Variants in TPTE2 observed in about 807,000 individuals in gnomAD.
TPTE2 encodes transmembrane phosphoinositide 3-phosphatase and tensin homolog 2, also known as phosphatidylinositol 3,4,5-trisphosphate 3-phosphatase TPTE2.
Under a neutral mutation model 78.6 loss-of-function variants are expected in TPTE2, and 53 were observed. The observed-to-expected ratio is 0.67, with a 90% CI of 0.54 to 0.85. TPTE2 has a LOEUF of 0.85. Among genes scored for constraint, TPTE2 ranks in the 40% least tolerant of loss-of-function variants. TPTE2 has a pLI of 0.00. For missense variants in TPTE2, 461 were observed against 623.0 expected (o/e 0.74, Z 2.77); for synonymous variants, 175 against 206.2 (o/e 0.85, Z 1.30).
intron 7 of TPTE2, among the ~76,000 whole-genome samples, chr13:19,466,019 C>T (rs141022798): frequency 0.024 from 3,724 of 152,214 alleles, 117 homozygotes; most frequent in African/African-American, 0.071. Flanking sequence ...TTTGTTATTC[C>T]CATGAGTAAC....
chr13:19,528,073 T>C (rs555622074), intron 1 of TPTE2, among the ~76,000 whole-genome samples: 27 of 152,174 alleles, frequency 1.8e-4, no homozygotes, highest in Admixed American at 5.2e-4. Context: ...AATCCTCAAC[T>C]CTGGCACTAT....
chr13:19,503,397 A>G, upstream of TPTE2: 1 of 1,046,542 alleles, frequency 9.6e-7, no homozygotes, highest in Non-Finnish European at 1.4e-6. Context: ...ATTCATGTGT[A>G]TAGCACTATT....
Position 19,425,019 on chromosome 13 carries a change from T to C in TPTE2, c.1396-2A>G. The C allele has an allele frequency of 6.7e-7, 1 of 1,498,954 alleles. No homozygotes were observed. Among genetic ancestry groups the C allele is most frequent in the Non-Finnish European group, 9.1e-7 (1 of 1,103,520 alleles). The allele number at this position is 1,498,954 out of a possible 1,614,324, so 92.9% of individuals were successfully genotyped here. A position where few individuals can be genotyped will look rare whatever the true frequency, so the allele number is the denominator to read the frequency against. ...ATTGTCATAGTATTTAGGAAGATTC[T>C]AAAAAGAAAAAAAATTTCAAAGTAA... is the stretch of plus-strand genomic sequence containing the variant. On this transcript the variant is annotated splice_acceptor_variant, in intron 18 of 19. Transcript: ENST00000400230. LOFTEE classifies it high-confidence loss of function.
chr13:19,447,454 T>C (rs1005607967), intron 13 of TPTE2, among the ~76,000 whole-genome samples: 5 of 152,188 alleles, frequency 3.3e-5, no homozygotes, highest in African/African-American at 1.2e-4. Context: ...TTTCAAATGA[T>C]TCAACCTCTA....
upstream of TPTE2, among the ~76,000 whole-genome samples, chr13:19,536,936 A>C (rs1871247491): frequency 6.6e-6 from 1 of 150,760 alleles, no homozygotes; most frequent in African/African-American, 2.4e-5. Context: ...AATATGAAAT[A>C]AATGTTATAT....
At chr13:19,444,302 G>A (rs1593357955) in intron 13 of TPTE2, among the ~76,000 whole-genome samples, 1 of 66,726 alleles carries the variant, frequency 1.5e-5, no homozygotes, top group Non-Finnish European at 2.5e-5. Context: ...ATGAGACTCT[G>A]CCACAAAAAA....
chr13:19,504,294 C>A (rs1868842421), upstream of TPTE2, among the ~76,000 whole-genome samples: 1 of 151,934 alleles, frequency 6.6e-6, no homozygotes, highest in Non-Finnish European at 1.5e-5. Context: ...GTACAAATCC[C>A]CTTGACCTCA....
At chr13:19,423,898 G>C (rs1033502380) in intron 19 of TPTE2, among the ~76,000 whole-genome samples, 4 of 152,162 alleles carry the variant, frequency 2.6e-5, no homozygotes, top group African/African-American at 7.2e-5. Flanking sequence ...GCTCCACCCA[G>C]GTCTCACTTT....
At chr13:19,540,068 C>T (rs1355620543), upstream of TPTE2, among the ~76,000 whole-genome samples, 2 of 152,082 alleles carry the variant, frequency 1.3e-5, no homozygotes, top group African/African-American at 4.8e-5. Flanking sequence ...CACTTGAACC[C>T]AGGAGGTGGA....
chr13:19,460,447 GC>G (rs1006172954), intron 10 of TPTE2, among the ~76,000 whole-genome samples: 1 of 152,134 alleles, frequency 6.6e-6, no homozygotes, highest in Non-Finnish European at 1.5e-5. Flanking sequence ...GAATTCCCTC[GC>G]CCCTTTTCAT....
chr13:19,464,624 A>T, intron 9 of TPTE2, 104 bp from the exon 13 acceptor site: 1 of 1,307,432 alleles, frequency 7.6e-7, no homozygotes, highest in Admixed American at 2.4e-5. Flanking sequence ...CAGAAAAAAA[A>T]CTTTTAAAAT....
intron 1 of TPTE2, among the ~76,000 whole-genome samples, chr13:19,530,176 C>A (rs534977524): frequency 6.6e-5 from 10 of 152,290 alleles, no homozygotes; most frequent in African/African-American, 2.4e-4. Flanking sequence ...GGTTTAAGTG[C>A]TGGCTGCACC....
intron 1 of TPTE2, among the ~76,000 whole-genome samples, chr13:19,511,451 T>A (rs540564152): frequency 1.3e-3 from 191 of 152,350 alleles, no homozygotes; most frequent in African/African-American, 4.5e-3. Flanking sequence ...GTTGCATATA[T>A]GCATATATCT....
chr13:19,474,411 ACT>A (rs1459833424), intron 5 of TPTE2, among the ~76,000 whole-genome samples: 1 of 152,182 alleles, frequency 6.6e-6, no homozygotes, highest in Non-Finnish European at 1.5e-5. Flanking sequence ...CTGTTTACAA[ACT>A]CTTCCTAAAA....
the TPTE2 span, among the ~76,000 whole-genome samples, chr13:19,548,731 A>C: frequency 6.6e-6 from 1 of 151,836 alleles, no homozygotes; most frequent in Non-Finnish European, 1.5e-5. Flanking sequence ...TTAAAGGCTT[A>C]AATGTGAAAC....
Position 19,464,461 on chromosome 13 carries a change from T to C in TPTE2, c.736A>G (p.Ile246Val), listed in dbSNP as rs759035513. ...TGTCAGATAAAGACCCTTACCTCAA[T>C]TGGATTTCTATAGAAAGACTGCCTT... The change falls in exon 10 of 20, where the codon ATT becomes GTT. Residue 246 changes from isoleucine to valine, a missense_variant. Ile to Val is a conservative substitution (Grantham distance 29). Coordinates refer to ENST00000400230, the Ensembl canonical transcript of TPTE2. 17 of 1,612,362 alleles carry C rather than the reference T, an allele frequency of 1.1e-5. 1 individual carries two copies. The highest frequency in any genetic ancestry group is 1.7e-4 in the Middle Eastern group (1 of 6,048).
intron 14 of TPTE2, 54 bp from the exon 18 acceptor site, chr13:19,436,360 A>G (rs1465286576): frequency 8.7e-6 from 13 of 1,498,492 alleles, no homozygotes; most frequent in Non-Finnish European, 1.2e-5. Context: ...TTCCTTTCCT[A>G]TATTAGGTAC....
At chr13:19,451,648 T>C (rs1878189922) in intron 10 of TPTE2, among the ~76,000 whole-genome samples, 3 of 152,308 alleles carry the variant, frequency 2.0e-5, no homozygotes, top group South Asian at 2.1e-4. Flanking sequence ...CTAAGCACTA[T>C]GGAAACAAAT....
At chr13:19,464,349 G>A in intron 10 of TPTE2, 107 bp downstream of exon 13, 1 of 1,156,036 alleles carries the variant, frequency 8.7e-7, no homozygotes, top group South Asian at 1.5e-5. Context: ...TTACTTGAAA[G>A]AGTACATTTT....
Sources: gnomAD v4.1 joint callset for allele counts (sites outside exome capture counted in the v4.1 genomes callset) on GRCh38, gnomAD v4.1.1 for gene constraint, MANE v1.5 for transcripts, NCBI Gene and HGNC (gene_info 2026-07-23, HGNC 2026-07-21) for gene names.